OPA3: variants seen among roughly 807,000 people sequenced by gnomAD.
OPA3 encodes the protein optic atrophy 3 protein.
A neutral mutation model predicts 4.0 loss-of-function variants in OPA3; 6 were observed. The ratio of observed to expected loss-of-function variants is 1.51; its 90% confidence interval spans 0.83 to 2.99. The LOEUF (loss-of-function observed/expected upper bound fraction) is 2.99. Among genes scored for constraint, OPA3 ranks in the 30% most tolerant of loss-of-function variants. The pLI, the probability that OPA3 is intolerant of heterozygous loss-of-function variation, is 0.00. For missense variants in OPA3, 235 were observed against 256.2 expected, an observed-to-expected ratio of 0.92 and a Z score of 0.56; for synonymous variants, 105 against 117.1, an observed-to-expected ratio of 0.90 and a Z score of 0.67.
At chr19:45,575,940 G>A (rs1355793029) in intron 1 of OPA3, among the ~76,000 whole-genome samples, 1 of 152,208 alleles carries the variant, frequency 6.6e-6, no homozygotes, top group Non-Finnish European at 1.5e-5. Context: ...GAAGTCAGAA[G>A]TCTGAAATGG....
In OPA3 at chr19:45,553,775, G is replaced by A. The variant is rs1165747962; in HGVS notation, c.279C>T (p.Gly93=). The part of the protein sequence containing the change: ...LLGEATIFIV[G]GGCLVLEYWR... ...AGTACTCCAGCACTAGGCAGCCGCC[G>A]CCCACGATGAAGATGGTGGCTTCGC... The change falls in exon 2 of 2, where the codon GGC becomes GGT. Residue 93 remains glycine, a synonymous_variant. Coordinates refer to ENST00000263275, the MANE Select transcript of OPA3 (RefSeq NM_025136.4). 3 of 1,612,868 alleles carry A rather than the reference G, an allele frequency of 1.9e-6. No homozygotes were observed. The Admixed American group carries it at 5.0e-5, about 27-fold the overall frequency.
chr19:45,581,957 C>T (rs530309620), intron 1 of OPA3, among the ~76,000 whole-genome samples: 1 of 152,152 alleles, frequency 6.6e-6, no homozygotes, highest in East Asian at 1.9e-4. Context: ...CGCCACCACA[C>T]CCAGCTAATT....
rs760083523 is a variant in OPA3, at chr19:45,553,848, T to C, written c.206A>G (p.Lys69Arg). The part of the protein sequence containing the change: ...RIMGFRGTVI[K>R]PLNEEAAAEL... Reference sequence around the variant, plus strand: ...AGCTGCCGCCTCCTCGTTCAGCGGCTTGATGACCGTGCCCCGGAAGCCCAT... The same window carrying C: ...AGCTGCCGCCTCCTCGTTCAGCGGCCTGATGACCGTGCCCCGGAAGCCCAT... The change falls in exon 2 of 2, where the codon AAG becomes AGG. Residue 69 changes from lysine to arginine, a missense_variant. Coordinates refer to ENST00000263275, the MANE Select transcript of OPA3 (RefSeq NM_025136.4). The C allele has an allele frequency of 1.9e-6, 3 of 1,612,412 alleles. No homozygotes were observed. The highest frequency in any genetic ancestry group is 1.1e-5 in the South Asian group (1 of 91,038).
At chr19:45,572,105 A>ATG (rs1969674696) in intron 1 of OPA3, among the ~76,000 whole-genome samples, 1 of 141,434 alleles carries the variant, frequency 7.1e-6, no homozygotes, top group Non-Finnish European at 1.5e-5. Flanking sequence ...GTGTATATAT[A>ATG]TATATCAATA....
At chr19:45,580,133 A>T (rs1446895193) in intron 1 of OPA3, among the ~76,000 whole-genome samples, 4 of 150,148 alleles carry the variant, frequency 2.7e-5, no homozygotes, top group Admixed American at 6.7e-5. Flanking sequence ...AGTAGCTGGG[A>T]TTACAGGCGC....
chr19:45,560,353 C>A (rs966638039), intron 1 of OPA3, among the ~76,000 whole-genome samples: 1 of 152,178 alleles, frequency 6.6e-6, no homozygotes, highest in Non-Finnish European at 1.5e-5. Context: ...GAGGCCGATG[C>A]AGGCAGGACC....
At chr19:45,575,550 C>T (rs1235734990) in intron 1 of OPA3, among the ~76,000 whole-genome samples, 1 of 152,166 alleles carries the variant, frequency 6.6e-6, no homozygotes, top group Non-Finnish European at 1.5e-5. Context: ...CATGGTGTAT[C>T]TGTTTCCCAC....
At chr19:45,572,794 TATATATCATAC>T (rs1969705748) in intron 1 of OPA3, among the ~76,000 whole-genome samples, 2 of 141,060 alleles carry the variant, frequency 1.4e-5, no homozygotes, top group African/African-American at 2.6e-5. Flanking sequence ...TATATAGATA[TATATATCATAC>T]TATATATATA....
intron 1 of OPA3, among the ~76,000 whole-genome samples, chr19:45,565,887 G>C (rs143282235): frequency 6.6e-6 from 1 of 152,222 alleles, no homozygotes; most frequent in African/African-American, 2.4e-5. Context: ...CAGGTTCAAG[G>C]CTGCAGTGAG....
At chr19:45,530,893 C>T (rs1419939683) in intron 1 of OPA3, among the ~76,000 whole-genome samples, 7 of 128,710 alleles carry the variant, frequency 5.4e-5, no homozygotes, top group African/African-American at 1.8e-4. Flanking sequence ...TCCCAAGTAG[C>T]TTGGTTCAAT....
chr19:45,549,834 A>T lies in OPA3; in HGVS notation c.*3680T>A. 2 of 985,378 alleles carry T rather than the reference A, an allele frequency of 2.0e-6. No homozygotes were observed. The highest frequency in any genetic ancestry group is 2.4e-6 in the Non-Finnish European group (2 of 830,062). 61.0% of individuals were successfully genotyped at this position (985,378 alleles called of 1,614,324 possible). On this transcript the variant is annotated 3_prime_UTR_variant, in exon 2 of 2. Coordinates refer to ENST00000263275, the MANE Select transcript of OPA3 (RefSeq NM_025136.4). Reference sequence around the variant, plus strand: ...CCACTCGGTCAGTTCCCTCTGCTCCAGCTTCTCCCCCTCTTCCAGAAGGAA... The same window carrying T: ...CCACTCGGTCAGTTCCCTCTGCTCCTGCTTCTCCCCCTCTTCCAGAAGGAA...
chr19:45,534,451 C>T (rs115166324), intron 1 of OPA3, among the ~76,000 whole-genome samples: 4,072 of 146,938 alleles, frequency 0.028, 186 homozygotes, highest in African/African-American at 0.097. Flanking sequence ...AATCCCAGTA[C>T]TTTCGAGGCT....
chr19:45,528,807 G>T (rs1035608885), exon 2 of OPA3: 2 of 476,554 alleles, frequency 4.2e-6, no homozygotes, highest in Non-Finnish European at 7.4e-6. Context: ...CAGGGGCGGG[G>T]TGGGATAGGG....
At chr19:45,581,236 C>T (rs556353803) in intron 1 of OPA3, among the ~76,000 whole-genome samples, 3 of 152,112 alleles carry the variant, frequency 2.0e-5, no homozygotes, top group Admixed American at 1.3e-4. Context: ...CCAACAAAGA[C>T]CCCACCAAAC....
At chr19:45,570,539 T>C (rs1378976350) in intron 1 of OPA3, among the ~76,000 whole-genome samples, 1 of 151,966 alleles carries the variant, frequency 6.6e-6, no homozygotes, top group Non-Finnish European at 1.5e-5. Context: ...AAAAAAAAAT[T>C]AGCTGGGCAT....
intron 1 of OPA3, among the ~76,000 whole-genome samples, chr19:45,559,552 C>G (rs1293841203): frequency 6.6e-6 from 1 of 151,656 alleles, no homozygotes; most frequent in Non-Finnish European, 1.5e-5. Flanking sequence ...CAGGCACATA[C>G]CACCACACCT....
intron 1 of OPA3, among the ~76,000 whole-genome samples, chr19:45,572,711 C>A (rs944478691): frequency 7.5e-6 from 1 of 133,656 alleles, no homozygotes; most frequent in Non-Finnish European, 1.6e-5. Flanking sequence ...TATGATATAT[C>A]TCAATATATA....
chr19:45,533,552 TC>T (rs1305014286), intron 1 of OPA3, among the ~76,000 whole-genome samples: 3 of 152,196 alleles, frequency 2.0e-5, no homozygotes, highest in Admixed American at 1.3e-4. Context: ...GTACGTTGTT[TC>T]CTTTTACCCT....
chr19:45,565,023 G>C (rs188915514), intron 1 of OPA3, among the ~76,000 whole-genome samples: 2 of 150,314 alleles, frequency 1.3e-5, no homozygotes. Context: ...TCAAGAGATC[G>C]AGACCATCCT....
Sources: allele counts gnomAD v4.1 joint callset (sites outside exome capture counted in the v4.1 genomes callset), GRCh38; gene constraint gnomAD v4.1.1; transcripts MANE v1.5; gene names NCBI Gene and HGNC (gene_info 2026-07-23, HGNC 2026-07-21).